Variants in PTK2 observed in about 807,000 individuals in gnomAD.
PTK2 encodes focal adhesion kinase 1.
Under a neutral mutation model 150.1 loss-of-function variants are expected in PTK2, and 45 were observed. That is an observed-to-expected ratio of 0.30 (90% CI 0.24 to 0.38). The LOEUF is 0.38. Among genes scored for constraint, PTK2 ranks in the 10% least tolerant of loss-of-function variants. The pLI, the probability that PTK2 is intolerant of heterozygous loss-of-function variation, is 1.00. For synonymous variants in PTK2, 432 were observed against 449.2 expected (o/e 0.96, Z 0.48); for missense variants, 919 against 1,307.3 (o/e 0.70, Z 4.58).
intron 16 of PTK2, among the ~76,000 whole-genome samples, chr8:140,759,349 C>T (rs2100067850): frequency 6.6e-6 from 1 of 151,746 alleles, no homozygotes. Context: ...GCCTGGGCAA[C>T]ATCATGGGAC....
At chr8:140,679,555 T>G (rs2100015922) in intron 27 of PTK2, among the ~76,000 whole-genome samples, 1 of 152,096 alleles carries the variant, frequency 6.6e-6, no homozygotes, top group Non-Finnish European at 1.5e-5. Flanking sequence ...CATGGTTCTG[T>G]GCGGAACCAG....
chr8:140,662,753 T>G lies in PTK2; in HGVS notation c.2946+2164A>C, dbSNP rs917496187. On this transcript the variant is annotated intron_variant, in intron 31 of 31. Transcript: ENST00000522684. ...CATCGTATGTCTCTGGGTATGATGC[T>G]GAGAAGGATTCAGCATTATTTATGT... 2.6e-5 allele frequency: 15 copies of G among 586,532 alleles called. No homozygotes were observed. The Middle Eastern group carries it at 7.7e-4, about 30-fold the overall frequency. 36.3% of individuals were successfully genotyped at this position (586,532 alleles called of 1,614,324 possible).
chr8:140,980,356 G>A (rs907539740), intron 1 of PTK2, among the ~76,000 whole-genome samples: 4 of 152,172 alleles, frequency 2.6e-5, no homozygotes, highest in Admixed American at 6.5e-5. Flanking sequence ...GGTGGCTCAC[G>A]CCTGTAATCC....
intron 7 of PTK2, among the ~76,000 whole-genome samples, chr8:140,838,758 G>C (rs1004828567): frequency 1.3e-5 from 2 of 152,180 alleles, no homozygotes; most frequent in African/African-American, 4.8e-5. Flanking sequence ...TGTAAGCCCA[G>C]CACTTTGGGA....
At chr8:140,905,479 A>G (rs1313297076) in intron 2 of PTK2, among the ~76,000 whole-genome samples, 2 of 152,234 alleles carry the variant, frequency 1.3e-5, no homozygotes, top group Non-Finnish European at 2.9e-5. Flanking sequence ...AGAGCTAACT[A>G]TCTTAAATAT....
chr8:140,717,293 T>TG (rs2100040224), intron 23 of PTK2, among the ~76,000 whole-genome samples: 1 of 152,124 alleles, frequency 6.6e-6, no homozygotes, highest in South Asian at 2.1e-4. Flanking sequence ...GGGAGATCTC[T>TG]GACAATCAAC....
At chr8:140,902,936 T>TTG (rs1568515629) in intron 2 of PTK2, among the ~76,000 whole-genome samples, 8 of 137,502 alleles carry the variant, frequency 5.8e-5, no homozygotes, top group African/African-American at 8.0e-5. Context: ...TTTTTTTTTT[T>TTG]TTTTTTTTTT....
At chr8:140,948,932 G>A (rs1236331286) in intron 1 of PTK2, among the ~76,000 whole-genome samples, 2 of 151,928 alleles carry the variant, frequency 1.3e-5, no homozygotes, top group African/African-American at 4.8e-5. Flanking sequence ...TCCACGTATA[G>A]GGGGATTTTT....
chr8:140,916,348 T>G (rs1222732690), intron 2 of PTK2, among the ~76,000 whole-genome samples: 1 of 152,228 alleles, frequency 6.6e-6, no homozygotes, highest in African/African-American at 2.4e-5. Context: ...CACGAAGAAC[T>G]GGAAAGATAG....
chr8:140,659,080 T>C (rs967757661), exon 32 of PTK2: 1 of 240,114 alleles, frequency 4.2e-6, no homozygotes, highest in African/African-American at 2.2e-5. Flanking sequence ...CTTCATGCTC[T>C]CCTCTTCCAC....
intron 16 of PTK2, among the ~76,000 whole-genome samples, chr8:140,756,613 C>T (rs1331552929): frequency 2.7e-5 from 4 of 150,362 alleles, no homozygotes; most frequent in East Asian, 2.0e-4. Context: ...AGGAGAATCG[C>T]TTGAACCCGG....
rs57247522 is a variant in PTK2, at chr8:140,670,488, AACACACACACACACAC to A, written c.2710-2080_2710-2065del. Among the ~76,000 whole-genome samples the A allele has an allele frequency of 3.4e-3, 133 of 38,982 alleles. 16 individuals carry two copies. Among genetic ancestry groups the A allele is most frequent in the South Asian group, 0.015 (13 of 894 alleles). 25.6% of individuals were successfully genotyped at this position (38,982 alleles called of 152,430 possible). ...AAAAAAAAAAAAAAAAAAAAACAAC[AACACACACACACACAC>A]ACACACACACACACACACACACACA... is the stretch of plus-strand genomic sequence containing the variant. On this transcript the variant is annotated intron_variant, in intron 29 of 31. Transcript: ENST00000522684.
chr8:140,820,168 C>T (rs777551685), intron 8 of PTK2, among the ~76,000 whole-genome samples: 7 of 139,484 alleles, frequency 5.0e-5, no homozygotes, highest in Non-Finnish European at 9.1e-5. Flanking sequence ...GGCGCAACCT[C>T]GGCTCACTGC....
chr8:140,951,521 G>A (rs1255032950), intron 1 of PTK2, among the ~76,000 whole-genome samples: 1 of 152,098 alleles, frequency 6.6e-6, no homozygotes, highest in Non-Finnish European at 1.5e-5. Context: ...TATTTTCCTG[G>A]GTTTATATAT....
chr8:140,891,612 C>T (rs188562725), intron 2 of PTK2, among the ~76,000 whole-genome samples: 1 of 152,180 alleles, frequency 6.6e-6, no homozygotes, highest in East Asian at 1.9e-4. Flanking sequence ...GAAAAGGCTA[C>T]GAATGGGAGA....
chr8:140,905,506 C>T (rs1272213127), intron 2 of PTK2, among the ~76,000 whole-genome samples: 1 of 152,176 alleles, frequency 6.6e-6, no homozygotes, highest in African/African-American at 2.4e-5. Context: ...GCACCCAATA[C>T]AGGAGCACCC....
intron 4 of PTK2, among the ~76,000 whole-genome samples, chr8:140,866,182 A>G (rs1226422712): frequency 2.0e-5 from 3 of 152,242 alleles, no homozygotes; most frequent in Non-Finnish European, 2.9e-5. Context: ...CTCAGCAAAA[A>G]GTTATCAGTT....
chr8:140,667,466 CTTT>C lies in PTK2; in HGVS notation c.2865+800_2865+802del, dbSNP rs869029677. On this transcript the variant is annotated intron_variant, in intron 30 of 31. Coordinates refer to ENST00000522684, the Ensembl canonical transcript of PTK2. Reference sequence around the variant, plus strand: ...CCTCTTTCTTTCTCTCTCTCTCTCTCTTTTTTTTTTTTTTTAAAGAGATGGGGT... The same window carrying C: ...CCTCTTTCTTTCTCTCTCTCTCTCTCTTTTTTTTTTTTAAAGAGATGGGGT... 7.4e-5 allele frequency among the ~76,000 whole-genome samples: 4 copies of C among 54,178 alleles called. No homozygotes were observed. The South Asian group carries it at 2.0e-3, about 26-fold the overall frequency. The allele number at this position is 54,178 out of a possible 152,430, so 35.5% of individuals were successfully genotyped here. A position where few individuals can be genotyped will look rare whatever the true frequency, so the allele number is the denominator to read the frequency against.
At chr8:140,808,726 T>C (rs1352213913) in intron 10 of PTK2, among the ~76,000 whole-genome samples, 1 of 148,870 alleles carries the variant, frequency 6.7e-6, no homozygotes, top group African/African-American at 2.5e-5. Context: ...ATAAAATTTT[T>C]GTTCTTGTTT....
Sources: allele counts gnomAD v4.1 joint callset (sites outside exome capture counted in the v4.1 genomes callset), GRCh38; gene constraint gnomAD v4.1.1; transcripts MANE v1.5; gene names NCBI Gene and HGNC (gene_info 2026-07-23, HGNC 2026-07-21).